KANK4: variants seen among roughly 807,000 people sequenced by gnomAD.
KANK4 encodes KN motif and ankyrin repeat domain-containing protein 4.
In KANK4, 50 loss-of-function variants were observed where a neutral mutation model predicts 80.8. The ratio of observed to expected loss-of-function variants is 0.62; its 90% CI spans 0.49 to 0.78. KANK4 has a LOEUF of 0.78. Ranked by LOEUF, KANK4 falls within the 30% of genes least tolerant of loss-of-function variation. The pLI, the probability that KANK4 is intolerant of heterozygous loss-of-function variation, is 0.00. For synonymous variants in KANK4, 465 were observed against 506.9 expected (o/e 0.92, Z 1.11); for missense variants, 1,196 against 1,240.1 (o/e 0.96, Z 0.53).
chr1:62,281,874 C>T (rs1485497084), intron 1 of KANK4, among the ~76,000 whole-genome samples: 1 of 152,074 alleles, frequency 6.6e-6, no homozygotes, highest in African/African-American at 2.4e-5. Context: ...GTATTTGGTC[C>T]AGCGGTCTTG....
intron 3 of KANK4, chr1:62,272,041 A>G (rs1434236506): frequency 1.2e-5 from 2 of 162,706 alleles, no homozygotes; most frequent in South Asian, 1.8e-4. Context: ...CCGTGCTCAC[A>G]GTAGATACAC....
intron 1 of KANK4, among the ~76,000 whole-genome samples, chr1:62,299,931 G>C (rs1319765887): frequency 2.0e-5 from 3 of 152,100 alleles, no homozygotes; most frequent in Admixed American, 1.3e-4. Context: ...TCCCAGGTCA[G>C]AAGGCGTTTT....
chr1:62,278,320 T>TCTTTCTTTC (rs1420040026), intron 2 of KANK4, among the ~76,000 whole-genome samples: 18 of 60,492 alleles, frequency 3.0e-4, no homozygotes, highest in African/African-American at 8.3e-4. Flanking sequence ...ACATTTTCTT[T>TCTTTCTTTC]CTTCCTTCCT....
chr1:62,251,223 GC>G (rs1241335974), intron 8 of KANK4, among the ~76,000 whole-genome samples: 1 of 152,136 alleles, frequency 6.6e-6, no homozygotes, highest in African/African-American at 2.4e-5. Context: ...TCCTCACACT[GC>G]CCTGTGGGAG....
intron 9 of KANK4, among the ~76,000 whole-genome samples, chr1:62,246,605 C>T (rs58856420): frequency 0.19 from 29,366 of 151,826 alleles, 3,609 homozygotes; most frequent in African/African-American, 0.35. Flanking sequence ...TTTATTTATT[C>T]AAATTTGTTA....
chr1:62,257,621 A>C (rs1671783439), intron 7 of KANK4, among the ~76,000 whole-genome samples: 1 of 152,056 alleles, frequency 6.6e-6, no homozygotes, highest in Non-Finnish European at 1.5e-5. Flanking sequence ...TACAGTTTGT[A>C]ATTTTTTTTT....
intron 2 of KANK4, among the ~76,000 whole-genome samples, chr1:62,278,397 C>CTTTT (rs199777200): frequency 1.0e-4 from 3 of 29,232 alleles, no homozygotes; most frequent in African/African-American, 2.7e-4. Flanking sequence ...TTCTTTCTTT[C>CTTTT]TTTTTTTTTT....
At chr1:62,279,945 A>G (rs887964127) in intron 2 of KANK4, among the ~76,000 whole-genome samples, 1 of 152,196 alleles carries the variant, frequency 6.6e-6, no homozygotes, top group Non-Finnish European at 1.5e-5. Flanking sequence ...GGACCTACAA[A>G]CACAGTCAGC....
At chr1:62,297,045 C>T (rs1393285406) in intron 1 of KANK4, among the ~76,000 whole-genome samples, 2 of 151,774 alleles carry the variant, frequency 1.3e-5, no homozygotes, top group African/African-American at 2.4e-5. Context: ...GGTGAAACCG[C>T]GTCTCTACTA....
intron 2 of KANK4, among the ~76,000 whole-genome samples, chr1:62,276,078 C>T (rs1672307570): frequency 6.6e-6 from 1 of 151,846 alleles, no homozygotes; most frequent in African/African-American, 2.4e-5. Flanking sequence ...CAACCCATAC[C>T]CTGGGGGGCC....
chr1:62,302,693 C>T (rs1434274558), intron 1 of KANK4, among the ~76,000 whole-genome samples: 2 of 152,100 alleles, frequency 1.3e-5, no homozygotes, highest in Admixed American at 1.3e-4. Flanking sequence ...AGAGGGTTGT[C>T]CCCCAGACGT....
At chr1:62,244,575 C>G (rs1385047065) in intron 9 of KANK4, among the ~76,000 whole-genome samples, 1 of 152,144 alleles carries the variant, frequency 6.6e-6, no homozygotes, top group Non-Finnish European at 1.5e-5. Context: ...AAAGCTCTCT[C>G]TTTGCTTGCT....
intron 7 of KANK4, among the ~76,000 whole-genome samples, chr1:62,256,251 A>G (rs1671749110): frequency 6.6e-6 from 1 of 152,224 alleles, no homozygotes; most frequent in Non-Finnish European, 1.5e-5. Context: ...CCAGAATGAT[A>G]TTCTCATAAG....
rs766361984 is a variant in KANK4, at chr1:62,273,335, T to C, written c.1769A>G (p.Lys590Arg). The C allele has an allele frequency of 3.3e-5, 53 of 1,608,674 alleles. No individual in the cohort carries two copies. Among genetic ancestry groups the C allele is most frequent in the African/African-American group, 6.7e-5 (5 of 74,812 alleles). ...GCTGCTGAGCTTGGAGGCTGGCTGC[T>C]TGATGGCGCTGGCCAGCTCCGGGTA... ...HGYPELASAI[K>R]QPASKLSSIQ... Residue 590 changes from lysine to arginine, a missense_variant, in exon 3 of 10, where the codon AAG (lysine) becomes AGG (arginine). Lys to Arg is a conservative substitution (Grantham distance 26, BLOSUM62 2). Coordinates refer to ENST00000371153, the MANE Select transcript of KANK4 (RefSeq NM_181712.5).
intron 1 of KANK4, among the ~76,000 whole-genome samples, chr1:62,285,597 A>G (rs1031553049): frequency 2.0e-5 from 3 of 152,212 alleles, no homozygotes. Flanking sequence ...AGCAGGCTGC[A>G]TGCCAAAATA....
intron 1 of KANK4, among the ~76,000 whole-genome samples, chr1:62,286,364 G>A (rs1241645271): frequency 6.6e-6 from 1 of 152,240 alleles, no homozygotes; most frequent in African/African-American, 2.4e-5. Context: ...CCCTGACCTT[G>A]CTGGAAAAGC....
chr1:62,253,721 C>G (rs1040139041), intron 7 of KANK4, among the ~76,000 whole-genome samples: 1 of 152,160 alleles, frequency 6.6e-6, no homozygotes, highest in Non-Finnish European at 1.5e-5. Flanking sequence ...CAGCTGGTTA[C>G]TTTTCTTGAC....
At chr1:62,265,174 G>C (rs911870078) in intron 6 of KANK4, among the ~76,000 whole-genome samples, 7 of 151,988 alleles carry the variant, frequency 4.6e-5, no homozygotes, top group Admixed American at 2.0e-4. Context: ...ACCTTAGTTC[G>C]ATAATTCAAT....
chr1:62,238,626 A>G (rs1321642771), intron 9 of KANK4, among the ~76,000 whole-genome samples: 1 of 148,048 alleles, frequency 6.8e-6, no homozygotes, highest in Non-Finnish European at 1.5e-5. Context: ...TCTAGTTTTT[A>G]ATGCTCTTTT....
Sources: allele counts gnomAD v4.1 joint callset (sites outside exome capture counted in the v4.1 genomes callset), GRCh38; gene constraint gnomAD v4.1.1; transcripts MANE v1.5; gene names NCBI Gene and HGNC (gene_info 2026-07-23, HGNC 2026-07-21).